Variants in NCOA1 observed in about 807,000 individuals in gnomAD.
NCOA1 encodes the protein Hin-2 protein.
In NCOA1, 35 loss-of-function variants were observed where a neutral mutation model predicts 150.9. The ratio of observed to expected loss-of-function variants is 0.23; its 90% CI spans 0.18 to 0.31. The LOEUF (loss-of-function observed/expected upper bound fraction) is 0.31. Among genes scored for constraint, NCOA1 ranks in the 10% least tolerant of loss-of-function variants. The probability of loss-of-function intolerance (pLI) is 1.00; values close to 1 mark genes in which losing one functional copy is unlikely to be tolerated. For synonymous variants in NCOA1, 590 were observed against 630.0 expected (o/e 0.94, Z 0.95); for missense variants, 1,491 against 1,749.3 (o/e 0.85, Z 2.63).
intron 22 of NCOA1, 96 bp downstream of exon 22, chr2:24,762,872 A>G: frequency 9.1e-7 from 1 of 1,103,480 alleles, no homozygotes; most frequent in Non-Finnish European, 1.4e-6. Flanking sequence ...CTTGGGAGTC[A>G]GACCTGGGTG....
At chr2:24,621,291 T>G (rs1669142105) in intron 3 of NCOA1, among the ~76,000 whole-genome samples, 1 of 152,114 alleles carries the variant, frequency 6.6e-6, no homozygotes, top group African/African-American at 2.4e-5. Context: ...TTTGTCCCCT[T>G]ATTATATATC....
chr2:24,615,034 C>A (rs544694115), intron 3 of NCOA1, among the ~76,000 whole-genome samples: 7 of 152,264 alleles, frequency 4.6e-5, no homozygotes, highest in African/African-American at 1.2e-4. Flanking sequence ...TAGTGGGTAG[C>A]AGAATTGTTA....
At chr2:24,743,549 A>G (rs1396796206) in intron 19 of NCOA1, among the ~76,000 whole-genome samples, 1 of 152,250 alleles carries the variant, frequency 6.6e-6, no homozygotes, top group African/African-American at 2.4e-5. Context: ...TTATAAATCC[A>G]TATTTTAATT....
At chr2:24,568,887 G>A (rs764569870) in intron 2 of NCOA1, among the ~76,000 whole-genome samples, 61 of 152,204 alleles carry the variant, frequency 4.0e-4, no homozygotes, top group Non-Finnish European at 7.5e-4. Flanking sequence ...ATACAGGTGT[G>A]TTACTGTTTA....
At chr2:24,762,831 G>C (rs369625871) in intron 22 of NCOA1, 55 bp downstream of exon 22, 82 of 1,474,394 alleles carry the variant, frequency 5.6e-5, no homozygotes, top group Non-Finnish European at 7.7e-5. Flanking sequence ...GATGCACAGA[G>C]GTCATTGTGT....
chr2:24,500,816 A>C (rs938270591), intron 1 of NCOA1, among the ~76,000 whole-genome samples: 1 of 152,228 alleles, frequency 6.6e-6, no homozygotes, highest in Non-Finnish European at 1.5e-5. Context: ...GTAAGTTCTT[A>C]ACAGTGATTC....
chr2:24,756,677 T>C (rs1664515923), intron 20 of NCOA1, among the ~76,000 whole-genome samples: 1 of 152,228 alleles, frequency 6.6e-6, no homozygotes, highest in African/African-American at 2.4e-5. Context: ...TATATAGTCA[T>C]AAAATATTTG....
At chr2:24,549,345 G>A (rs564791141) in intron 1 of NCOA1, among the ~76,000 whole-genome samples, 20 of 152,264 alleles carry the variant, frequency 1.3e-4, no homozygotes, top group South Asian at 2.1e-4. Flanking sequence ...GGCCTGGCCC[G>A]CAAAACCATT....
At chr2:24,536,901 T>C (rs778885703) in intron 1 of NCOA1, among the ~76,000 whole-genome samples, 1 of 152,046 alleles carries the variant, frequency 6.6e-6, no homozygotes, top group African/African-American at 2.4e-5. Context: ...TTCTCACTTA[T>C]AAGTAGGAGC....
intron 3 of NCOA1, among the ~76,000 whole-genome samples, chr2:24,620,669 G>T (rs1452363973): frequency 6.6e-6 from 1 of 152,182 alleles, no homozygotes; most frequent in East Asian, 1.9e-4. Flanking sequence ...AAATAATATA[G>T]ACAAATTTAA....
At chr2:24,730,871 C>CAAAAAAAA (rs35975198) in intron 17 of NCOA1, among the ~76,000 whole-genome samples, 15 of 61,884 alleles carry the variant, frequency 2.4e-4, no homozygotes, top group East Asian at 5.6e-4. Flanking sequence ...ACTAAAAGTA[C>CAAAAAAAA]AAAAAAAAAA....
intron 2 of NCOA1, among the ~76,000 whole-genome samples, chr2:24,577,250 C>T (rs1424522347): frequency 1.3e-5 from 2 of 152,054 alleles, no homozygotes; most frequent in Non-Finnish European, 2.9e-5. Context: ...AATTAGTAAT[C>T]GAATAAATGT....
intron 3 of NCOA1, among the ~76,000 whole-genome samples, chr2:24,630,441 C>T (rs1669655229): frequency 6.6e-6 from 1 of 152,192 alleles, no homozygotes. Flanking sequence ...TGAGCTGTTC[C>T]TATTTTTTGC....
chr2:24,634,835 C>T (rs914094200), intron 3 of NCOA1, among the ~76,000 whole-genome samples: 1 of 151,890 alleles, frequency 6.6e-6, no homozygotes, highest in African/African-American at 2.4e-5. Context: ...TTTCAGCCCC[C>T]CAACTGAGTA....
Position 24,706,965 on chromosome 2 carries a change from A to T in NCOA1, c.1495A>T (p.Thr499Ser), listed in dbSNP as rs1351322390. Reference sequence around the variant, plus strand: ...GAGACAGGTTACTTCTGGATTGGCAACAAGGCCCAGGATGCCAAACAATTC... The same window carrying T: ...GAGACAGGTTACTTCTGGATTGGCATCAAGGCCCAGGATGCCAAACAATTC... Reference protein sequence around the residue: ...PRRQVTSGLATRPRMPNNSFP... With the variant: ...PRRQVTSGLASRPRMPNNSFP... The change falls in exon 13 of 23, where the codon ACA becomes TCA. Residue 499 changes from threonine to serine, a missense_variant. Thr to Ser is a moderately conservative substitution (Grantham distance 58, BLOSUM62 1). Coordinates refer to ENST00000348332, the MANE Select transcript of NCOA1 (RefSeq NM_003743.5). The T allele has an allele frequency of 1.9e-6, 3 of 1,614,106 alleles. No individual in the cohort carries two copies. Among genetic ancestry groups the T allele is most frequent in the Non-Finnish European group, 2.5e-6 (3 of 1,180,048 alleles).
chr2:24,732,618 GA>G (rs750191491), intron 17 of NCOA1, among the ~76,000 whole-genome samples: 6 of 151,788 alleles, frequency 4.0e-5, no homozygotes, highest in Non-Finnish European at 7.4e-5. Context: ...CACAAGGAAA[GA>G]AAAAAAGATC....
In NCOA1 at chr2:24,602,610, TAATA is replaced by T. The variant is rs545857411; in HGVS notation, c.-175+18056_-175+18059del. On this transcript the variant is annotated intron_variant, in intron 3 of 22. Transcript: ENST00000348332. ...ATCAAGACAATAAATATATTTTGGC[TAATA>T]AATAAGTAAGGTTAAATTAAAAATT... Among the ~76,000 whole-genome samples, 554 of 152,252 alleles carry T rather than the reference TAATA, an allele frequency of 3.6e-3. 4 individuals carry two copies. Among genetic ancestry groups the T allele is most frequent in the African/African-American group, 0.012 (505 of 41,554 alleles).
At chr2:24,506,548 T>C (rs1157316590) in intron 1 of NCOA1, among the ~76,000 whole-genome samples, 1 of 152,200 alleles carries the variant, frequency 6.6e-6, no homozygotes, top group Non-Finnish European at 1.5e-5. Flanking sequence ...AAATTTTGGC[T>C]CGTTACTTTC....
intron 14 of NCOA1, among the ~76,000 whole-genome samples, chr2:24,713,245 T>G (rs1673850128): frequency 1.3e-5 from 2 of 151,486 alleles, no homozygotes; most frequent in Admixed American, 6.6e-5. Context: ...AATAATTAAT[T>G]AATTAATTAA....
Sources: allele counts gnomAD v4.1 joint callset (sites outside exome capture counted in the v4.1 genomes callset), GRCh38; gene constraint gnomAD v4.1.1; transcripts MANE v1.5; gene names NCBI Gene and HGNC (gene_info 2026-07-23, HGNC 2026-07-21).